The following TBCK variants were observed in gnomAD, a reference collection of about 807,000 sequenced individuals.
TBCK encodes the protein TBC1 domain containing kinase.
A neutral mutation model predicts 113.4 loss-of-function variants in TBCK; 99 were observed. The observed-to-expected ratio is 0.87, with a 90% confidence interval of 0.74 to 1.03. The LOEUF (loss-of-function observed/expected upper bound fraction) is 1.03. Among genes scored for constraint, TBCK ranks in the 50% least tolerant of loss-of-function variants. The probability of loss-of-function intolerance (pLI) is 0.00; values close to 1 mark genes in which losing one functional copy is unlikely to be tolerated. For missense variants in TBCK, 1,045 were observed against 1,061.3 expected, an observed-to-expected ratio of 0.98 and a Z score of 0.21; for synonymous variants, 369 against 370.8, an observed-to-expected ratio of 1.00 and a Z score of 0.05.
chr4:106,140,494 C>G lies in TBCK; in HGVS notation c.2236-24116G>C, dbSNP rs1293131762. On this transcript the variant is annotated intron_variant, in intron 23 of 25. Coordinates refer to ENST00000394708, the MANE Select transcript of TBCK (RefSeq NM_001163435.3). Reference sequence around the variant, plus strand: ...AAAACTACATATAATCAAGAATTAACCAACAAATGACAAATGGGAATATAA... The same window carrying G: ...AAAACTACATATAATCAAGAATTAAGCAACAAATGACAAATGGGAATATAA... Among the ~76,000 whole-genome samples the G allele has an allele frequency of 1.4e-5, 2 of 140,394 alleles. 1 individual carries two copies. The highest frequency in any genetic ancestry group is 3.2e-5 in the Non-Finnish European group (2 of 61,752). 92.1% of individuals were successfully genotyped at this position (140,394 alleles called of 152,430 possible).
intron 24 of TBCK, among the ~76,000 whole-genome samples, chr4:106,105,870 A>G (rs1253740379): frequency 6.6e-6 from 1 of 152,208 alleles, no homozygotes; most frequent in Non-Finnish European, 1.5e-5. Flanking sequence ...CCTCCAAATG[A>G]CTGCATCAGT....
Position 106,194,534 on chromosome 4 carries a change from C to G in TBCK, c.1897+184G>C, listed in dbSNP as rs573208453. 2.5e-4 allele frequency among the ~76,000 whole-genome samples: 38 copies of G among 151,962 alleles called. No homozygotes were observed. In the South Asian group the frequency reaches 7.7e-3, roughly 31 times the overall value. ...CAATAGGTTTTTATTTTATAGAATTCTCACTTTGATATTCAGGGATCAGAA... is the reference window on the plus strand; with the variant it reads ...CAATAGGTTTTTATTTTATAGAATTGTCACTTTGATATTCAGGGATCAGAA... On this transcript the variant is annotated intron_variant, in intron 21 of 25. Coordinates refer to ENST00000394708, the MANE Select transcript of TBCK (RefSeq NM_001163435.3).
intron 25 of TBCK, among the ~76,000 whole-genome samples, chr4:106,073,237 T>TATC (rs1737709792): frequency 6.6e-6 from 1 of 152,218 alleles, no homozygotes. Context: ...TTTGTGGTTT[T>TATC]ATCTATCTTT....
At position 106,133,598 on chromosome 4, in the gene TBCK, T is replaced by G. The variant is rs143182503; in HGVS notation, c.2236-17220A>C. On this transcript the variant is annotated intron_variant, in intron 23 of 25. Coordinates refer to ENST00000394708, the MANE Select transcript of TBCK (RefSeq NM_001163435.3). ...AAAATGTTTTAGGTTCACTGAAATG[T>G]TTCATTGGTAAGGCCTACTCTACCA... is the stretch of plus-strand genomic sequence containing the variant. Among the ~76,000 whole-genome samples the G allele has an allele frequency of 2.1e-3, 324 of 152,344 alleles. 2 individuals carry two copies. The highest frequency in any genetic ancestry group is 6.8e-3 in the African/African-American group (283 of 41,576).
chr4:106,103,649 G>A (rs1741806137), intron 24 of TBCK, among the ~76,000 whole-genome samples: 1 of 152,194 alleles, frequency 6.6e-6, no homozygotes, highest in African/African-American at 2.4e-5. Flanking sequence ...TTGGTACAGT[G>A]TAAGAACTTA....
At chr4:106,138,330 T>A (rs1029385926) in intron 23 of TBCK, among the ~76,000 whole-genome samples, 1 of 141,090 alleles carries the variant, frequency 7.1e-6, no homozygotes, top group Non-Finnish European at 1.6e-5. Flanking sequence ...CCTTATTTTT[T>A]AAATTTATAT....
chr4:106,120,165 G>T (rs558920334), intron 23 of TBCK, among the ~76,000 whole-genome samples: 93 of 152,164 alleles, frequency 6.1e-4, no homozygotes, highest in Non-Finnish European at 1.3e-3. Context: ...AAGCGCAAGG[G>T]GTCAGGGAGT....
intron 23 of TBCK, among the ~76,000 whole-genome samples, chr4:106,154,650 C>T (rs566014209): frequency 2.6e-5 from 4 of 152,222 alleles, no homozygotes; most frequent in East Asian, 1.9e-4. Context: ...GTTTCTGCCA[C>T]GTAAGATGCC....
intron 23 of TBCK, among the ~76,000 whole-genome samples, chr4:106,159,447 G>GA (rs1003925896): frequency 1.1e-4 from 16 of 151,776 alleles, no homozygotes; most frequent in African/African-American, 3.9e-4. Context: ...GCAGGATACA[G>GA]AAAAAAATAG....
chr4:106,132,064 A>C (rs530711819), intron 23 of TBCK, among the ~76,000 whole-genome samples: 2 of 152,352 alleles, frequency 1.3e-5, no homozygotes, highest in East Asian at 3.9e-4. Context: ...GAAGGTTGGC[A>C]ATGTGATAAA....
rs1382375425 is a variant in TBCK, at chr4:106,233,019, A to G, written c.1558T>C (p.Ser520Pro). Residue 520 changes from serine (S) to proline (P), a missense_variant, in exon 17 of 26, where the codon TCA (serine) becomes CCA (proline). Physicochemically the swap from Ser to Pro is moderately conservative, Grantham distance 74. Transcript: ENST00000394708. ...AATTTTGCATGACCTTCTGGTGATG[A>G]TAACAGTTCATCGTACTGATGACAG... ...PRCHQYDELL[S>P]SPEGHAKFRR... 9 of 1,612,138 alleles carry G rather than the reference A, an allele frequency of 5.6e-6. No individual in the cohort carries two copies. The highest frequency in any genetic ancestry group is 1.7e-4 in the Middle Eastern group (1 of 6,048).
At chr4:106,250,500 A>G (rs1761312197) in intron 6 of TBCK, 22 bp from the exon 7 acceptor site, 1 of 1,340,996 alleles carries the variant, frequency 7.5e-7, no homozygotes. Context: ...GAGAAAAGAA[A>G]TTTCTATTAA....
At chr4:106,289,966 T>C (rs868472407) in intron 3 of TBCK, among the ~76,000 whole-genome samples, 2 of 152,094 alleles carry the variant, frequency 1.3e-5, no homozygotes, top group Non-Finnish European at 2.9e-5. Context: ...ATCACACATA[T>C]TGCATTGTAA....
At chr4:106,094,333 A>C (rs1740668518) in intron 25 of TBCK, among the ~76,000 whole-genome samples, 1 of 152,104 alleles carries the variant, frequency 6.6e-6, no homozygotes, top group Non-Finnish European at 1.5e-5. Context: ...AGGAATTATA[A>C]TTTTCCAATA....
chr4:106,057,164 T>G (rs4698956), intron 25 of TBCK, among the ~76,000 whole-genome samples: 31,403 of 151,546 alleles, frequency 0.21, 4,022 homozygotes, highest in Non-Finnish European at 0.29. Flanking sequence ...CCTCACAGCC[T>G]TGTGAGCTTT....
chr4:106,296,998 T>G (rs1766381173), intron 2 of TBCK, among the ~76,000 whole-genome samples: 1 of 152,070 alleles, frequency 6.6e-6, no homozygotes, highest in Admixed American at 6.6e-5. Context: ...AAGAAGAAGC[T>G]GCATTCCTTT....
intron 22 of TBCK, among the ~76,000 whole-genome samples, chr4:106,190,240 A>G (rs892205537): frequency 3.9e-5 from 6 of 152,224 alleles, no homozygotes; most frequent in Admixed American, 3.3e-4. Flanking sequence ...ACAATAAAAA[A>G]CTATTGACTG....
intron 15 of TBCK, among the ~76,000 whole-genome samples, chr4:106,234,495 G>A (rs895490642): frequency 1.2e-4 from 19 of 152,096 alleles, no homozygotes; most frequent in African/African-American, 4.3e-4. Flanking sequence ...CCAGGCTAGA[G>A]TGCAGTGGCA....
intron 23 of TBCK, among the ~76,000 whole-genome samples, chr4:106,135,176 G>A (rs910352397): frequency 6.6e-6 from 1 of 151,846 alleles, no homozygotes; most frequent in Non-Finnish European, 1.5e-5. Context: ...GGGAAGGCAA[G>A]ACTAACAGGA....
Sources: gnomAD v4.1 joint callset for allele counts (sites outside exome capture counted in the v4.1 genomes callset) on GRCh38, gnomAD v4.1.1 for gene constraint, MANE v1.5 for transcripts, NCBI Gene and HGNC (gene_info 2026-07-23, HGNC 2026-07-21) for gene names.